The following ATP2C1 variants were observed in gnomAD, a reference collection of about 807,000 sequenced individuals.
ATP2C1 encodes the protein calcium-transporting ATPase type 2C member 1.
In ATP2C1, 31 loss-of-function variants were observed where a neutral mutation model predicts 120.5. That is an observed-to-expected ratio of 0.26 (90% CI 0.19 to 0.35). The LOEUF is 0.35. ATP2C1 is among the 10% of genes least tolerant of loss of function. The pLI is 1.00. For missense variants in ATP2C1, 731 were observed against 1,107.5 expected (o/e 0.66, Z 4.83); for synonymous variants, 351 against 358.7 (o/e 0.98, Z 0.24).
rs911553091 is a variant in ATP2C1, at chr3:130,979,304, G to A, written c.1626G>A (p.Val542=). 6.2e-7 allele frequency: 1 copy of A among 1,613,468 alleles called. No homozygotes were observed. The highest frequency in any genetic ancestry group is 8.5e-7 in the Non-Finnish European group (1 of 1,179,736). The part of the protein sequence containing the change: ...ELGQLTFLGL[V]GIIDPPRTGV... Reference sequence around the variant, plus strand: ...GACAGCTGACATTTCTTGGCTTGGTGGGAATCATTGATCCACCTAGAACTG... The same window carrying A: ...GACAGCTGACATTTCTTGGCTTGGTAGGAATCATTGATCCACCTAGAACTG... Residue 542 remains valine (V), a synonymous_variant, in exon 19 of 28, where the codon GTG becomes GTA. Coordinates refer to ENST00000510168, the MANE Select transcript of ATP2C1 (RefSeq NM_001378687.1).
At chr3:131,004,996 T>C (rs1256172185), downstream of ATP2C1, among the ~76,000 whole-genome samples, 1 of 152,032 alleles carries the variant, frequency 6.6e-6, no homozygotes, top group Non-Finnish European at 1.5e-5. Context: ...AGAGGGTCAA[T>C]TGTGAAGACT....
chr3:130,918,367 G>A (rs2058782071), intron 2 of ATP2C1: 22 of 1,529,568 alleles, frequency 1.4e-5, no homozygotes, highest in Non-Finnish European at 2.0e-5. Context: ...TTTGCACATC[G>A]GAAATAGTTT....
At chr3:131,016,357 C>T (rs2063633939) in exon 27 of ATP2C1, 1 of 1,613,912 alleles carries the variant, frequency 6.2e-7, no homozygotes, top group Non-Finnish European at 8.5e-7. Flanking sequence ...AAGAAACAGC[C>T]CAAGGGCAGT....
intron 2 of ATP2C1, among the ~76,000 whole-genome samples, chr3:130,908,496 G>A (rs2058247133): frequency 6.6e-6 from 1 of 151,338 alleles, no homozygotes; most frequent in African/African-American, 2.4e-5. Flanking sequence ...AGAAATACTT[G>A]TATACACACC....
chr3:130,862,990 A>G (rs889886920), intron 1 of ATP2C1, among the ~76,000 whole-genome samples: 1 of 152,174 alleles, frequency 6.6e-6, no homozygotes, highest in Non-Finnish European at 1.5e-5. Context: ...ACAATGCTAG[A>G]GTCTTTCTCG....
intron 20 of ATP2C1, among the ~76,000 whole-genome samples, chr3:130,984,455 T>C (rs2061906085): frequency 6.6e-6 from 1 of 152,216 alleles, no homozygotes; most frequent in Non-Finnish European, 1.5e-5. Flanking sequence ...TAAACTACAC[T>C]TCATACAGTA....
rs541370986 is a variant in ATP2C1, at chr3:130,879,574, G to A, written c.108+28646G>A. 2.4e-4 allele frequency among the ~76,000 whole-genome samples: 37 copies of A among 152,172 alleles called. No individual in the cohort carries two copies. The South Asian group carries it at 5.6e-3, about 23-fold the overall frequency. ...GGTATTCTGCTACTGAAGAATTACCGTTGTTTTTTGGTGCTGTTATATTTC... is the reference window on the plus strand; with the variant it reads ...GGTATTCTGCTACTGAAGAATTACCATTGTTTTTTGGTGCTGTTATATTTC... On this transcript the variant is annotated intron_variant, in intron 1 of 26. Coordinates refer to the ATP2C1 transcript ENST00000504381.
At position 130,932,084 on chromosome 3, in the gene ATP2C1, G is replaced by C. The variant is rs138085702; in HGVS notation, c.180G>C (p.Trp60Cys). ...EVSHRRAFHG[W>C]NEFDISEDEP... ...GTCATAGGCGAGCCTTTCATGGCTG[G>C]AATGAGTTTGATATTAGTGAAGATG... The change falls in exon 4 of 28, where the codon TGG becomes TGC. Residue 60 changes from tryptophan (W) to cysteine (C), a missense_variant. Trp to Cys is a radical substitution (Grantham distance 215, BLOSUM62 -2). This residue lies in a region of ATP2C1 where 571 missense variants were observed against 845.9 expected (regional missense o/e 0.67). Coordinates refer to ENST00000510168, the MANE Select transcript of ATP2C1 (RefSeq NM_001378687.1). 1.2e-6 allele frequency: 2 copies of C among 1,613,098 alleles called. No individual in the cohort carries two copies. The highest frequency in any genetic ancestry group is 8.5e-7 in the Non-Finnish European group (1 of 1,179,236).
intron 2 of ATP2C1, among the ~76,000 whole-genome samples, chr3:130,895,501 G>A (rs1480806654): frequency 2.6e-5 from 4 of 152,164 alleles, no homozygotes; most frequent in Middle Eastern, 3.2e-3. Flanking sequence ...CTGTGAATAA[G>A]TGATTTTTTT....
intron 2 of ATP2C1, among the ~76,000 whole-genome samples, chr3:130,922,735 A>T (rs1195173860): frequency 6.6e-6 from 1 of 152,220 alleles, no homozygotes; most frequent in African/African-American, 2.4e-5. Flanking sequence ...TCAAGAGAAG[A>T]TTATTTAATT....
intron 8 of ATP2C1, 34 bp downstream of exon 8, chr3:130,941,733 T>TA (rs2059929006): frequency 6.8e-7 from 1 of 1,461,174 alleles, no homozygotes; most frequent in African/African-American, 1.4e-5. Flanking sequence ...TAAGTGAAAA[T>TA]ACGTGGATGT....
At chr3:130,865,128 A>G (rs755884496) in intron 1 of ATP2C1, among the ~76,000 whole-genome samples, 26 of 152,208 alleles carry the variant, frequency 1.7e-4, no homozygotes, top group Non-Finnish European at 2.4e-4. Flanking sequence ...ATGGGCACCC[A>G]ATCTTGCATC....
In ATP2C1 at chr3:130,941,441, C is replaced by A. The variant is rs1457072052; in HGVS notation, c.423-150C>A. 9 of 670,154 alleles carry A rather than the reference C, an allele frequency of 1.3e-5. No homozygotes were observed. The South Asian group carries it at 1.4e-4, about 10-fold the overall frequency. 41.5% of individuals were successfully genotyped at this position (670,154 alleles called of 1,614,324 possible). On this transcript the variant is annotated intron_variant, in intron 7 of 27. Transcript: ENST00000510168. ...ATTTGTTTTTCAAGTTATTTTCTGT[C>A]ATCTTGGCATCTTAAGTGTTTAGAA...
Position 130,959,331 on chromosome 3 carries a change from A to C in ATP2C1, c.889A>C (p.Ile297Leu). The C allele has an allele frequency of 6.2e-7, 1 of 1,605,286 alleles. No homozygotes were observed. Among genetic ancestry groups the C allele is most frequent in the Non-Finnish European group, 8.5e-7 (1 of 1,172,672 alleles). Reference protein sequence around the residue: ...LGKDILEMFTISVSLAVAAIP... With the variant: ...LGKDILEMFTLSVSLAVAAIP... Reference sequence around the variant, plus strand: ...AAAAGATATCCTGGAAATGTTTACTATTAGTGTAAGGTAAGTCTCAATACT... The same window carrying C: ...AAAAGATATCCTGGAAATGTTTACTCTTAGTGTAAGGTAAGTCTCAATACT... Residue 297 changes from isoleucine (I) to leucine (L), a missense_variant, in exon 12 of 28, where the codon ATT becomes CTT. Physicochemically the swap from Ile to Leu is conservative, Grantham distance 5. This residue lies in a region of ATP2C1 where 571 missense variants were observed against 845.9 expected (regional missense o/e 0.67). Coordinates refer to ENST00000510168, the MANE Select transcript of ATP2C1 (RefSeq NM_001378687.1).
intron 1 of ATP2C1, among the ~76,000 whole-genome samples, chr3:130,886,799 T>A (rs1288520205): frequency 1.3e-5 from 2 of 152,254 alleles, no homozygotes; most frequent in Non-Finnish European, 2.9e-5. Flanking sequence ...TTGAATTCTC[T>A]GTCTGAAAGG....
intron 18 of ATP2C1, among the ~76,000 whole-genome samples, chr3:130,978,466 C>G (rs373002748): frequency 6.6e-6 from 1 of 151,984 alleles, no homozygotes; most frequent in South Asian, 2.1e-4. Context: ...AAAGTAGTTT[C>G]CGGAGTTCCA....
intron 8 of ATP2C1, among the ~76,000 whole-genome samples, chr3:130,942,108 C>G (rs2059947252): frequency 6.6e-6 from 1 of 152,188 alleles, no homozygotes; most frequent in Non-Finnish European, 1.5e-5. Flanking sequence ...TGAATGAGAT[C>G]AGAATATGCC....
intron 2 of ATP2C1, among the ~76,000 whole-genome samples, chr3:130,920,391 A>C (rs1383807616): frequency 6.6e-6 from 1 of 151,954 alleles, no homozygotes; most frequent in Non-Finnish European, 1.5e-5. Flanking sequence ...TATTTTTTTT[A>C]GGTTTTTACA....
At position 130,894,571 on chromosome 3, in the gene ATP2C1, C is replaced by T; in HGVS notation, c.-180-19C>T. The T allele has an allele frequency of 6.9e-7, 1 of 1,442,358 alleles. No individual in the cohort carries two copies. Among genetic ancestry groups the T allele is most frequent in the Non-Finnish European group, 9.1e-7 (1 of 1,096,808 alleles). 89.3% of individuals were successfully genotyped at this position (1,442,358 alleles called of 1,614,324 possible). On this transcript the variant is annotated intron_variant, in intron 1 of 27. Transcript: ENST00000510168. The surrounding 1 kb of genome is among the most constrained non-coding windows in gnomAD (Gnocchi z 4.5). ...CCTCAGCCTCTCGTCAGCGCCGCTT[C>T]TCCTGGTTTCTCTTGCAGATGCTGC...
Sources: gnomAD v4.1 joint callset for allele counts (sites outside exome capture counted in the v4.1 genomes callset) on GRCh38, gnomAD v4.1.1 for gene constraint, gnomAD v4.1.1 regional missense constraint, Gnocchi (gnomAD v3.1) non-coding constraint, MANE v1.5 for transcripts, NCBI Gene and HGNC (gene_info 2026-07-23, HGNC 2026-07-21) for gene names.